Variants in PRIM2 observed in about 807,000 individuals in gnomAD.
PRIM2 encodes DNA primase large subunit.
PRIM2 carries 39 observed loss-of-function variants against 67.3 expected under a neutral mutation model. The observed-to-expected ratio is 0.58, with a 90% confidence interval of 0.45 to 0.76. The LOEUF (loss-of-function observed/expected upper bound fraction) is 0.76, where lower values mean the gene tolerates loss of function less well. Ranked by LOEUF, PRIM2 falls within the 30% of genes least tolerant of loss-of-function variation. The pLI is 0.00. For synonymous variants in PRIM2, 143 were observed against 198.7 expected (o/e 0.72, Z 2.36); for missense variants, 398 against 598.7 (o/e 0.66, Z 3.50).
chr6:57,446,738 A>G (rs1195141807), intron 7 of PRIM2, among the ~76,000 whole-genome samples: 1 of 152,130 alleles, frequency 6.6e-6, no homozygotes, highest in African/African-American at 2.4e-5. Flanking sequence ...AGGATTGGGA[A>G]TGGGACCTAA....
the PRIM2 span, among the ~76,000 whole-genome samples, chr6:57,250,022 C>A: frequency 6.6e-6 from 1 of 152,130 alleles, no homozygotes; most frequent in Non-Finnish European, 1.5e-5. Context: ...GTGCAAGTTC[C>A]ACTGTGGCTT....
intron 8 of PRIM2, among the ~76,000 whole-genome samples, chr6:57,515,769 A>G (rs1554348190): frequency 6.6e-6 from 1 of 152,214 alleles, no homozygotes; most frequent in East Asian, 1.9e-4. Flanking sequence ...ATCTTAACAA[A>G]TGCCACACAT....
At chr6:57,325,326 G>T (rs1440781339) in intron 4 of PRIM2, among the ~76,000 whole-genome samples, 2 of 148,406 alleles carry the variant, frequency 1.3e-5, no homozygotes, top group South Asian at 2.1e-4. Context: ...TTGAGCTAGG[G>T]TCTCATGCCA....
At chr6:57,471,484 T>G (rs1773336574) in intron 7 of PRIM2, among the ~76,000 whole-genome samples, 1 of 146,554 alleles carries the variant, frequency 6.8e-6, no homozygotes, top group East Asian at 2.0e-4. Context: ...AAGTAGAGAG[T>G]AGAGGAGGGT....
chr6:57,635,843 T>C (rs1157367576), intron 13 of PRIM2, among the ~76,000 whole-genome samples: 2 of 152,220 alleles, frequency 1.3e-5, no homozygotes, highest in South Asian at 2.1e-4. Context: ...ATTCCAATTC[T>C]TTCTCCTCCA....
intron 5 of PRIM2, among the ~76,000 whole-genome samples, chr6:57,342,111 T>C (rs1768513213): frequency 6.6e-6 from 1 of 152,212 alleles, no homozygotes; most frequent in Non-Finnish European, 1.5e-5. Context: ...TAATTTCTGG[T>C]GTTCTATTAC....
In PRIM2 at chr6:57,373,650, C is replaced by A. The variant is rs112424838; in HGVS notation, c.460-6251C>A. 5.9e-5 allele frequency among the ~76,000 whole-genome samples: 9 copies of A among 152,228 alleles called. No individual in the cohort carries two copies. In the East Asian group the frequency reaches 7.7e-4, roughly 13 times the overall value. On this transcript the variant is annotated intron_variant, in intron 5 of 13. Transcript: ENST00000615550. Reference sequence around the variant, plus strand: ...ATGGTATAAGGACAGGGTCCAGTTTCGATTTTCTATGTATGGCTAGCCAGT... The same window carrying A: ...ATGGTATAAGGACAGGGTCCAGTTTAGATTTTCTATGTATGGCTAGCCAGT...
chr6:57,482,277 CTG>C (rs1773647762), intron 7 of PRIM2, among the ~76,000 whole-genome samples: 3 of 151,512 alleles, frequency 2.0e-5, no homozygotes, highest in African/African-American at 7.3e-5. Flanking sequence ...AAATCTGAGT[CTG>C]TAGCTTAGAA....
At chr6:57,311,178 G>T (rs1354624920), upstream of PRIM2, among the ~76,000 whole-genome samples, 1 of 144,600 alleles carries the variant, frequency 6.9e-6, no homozygotes, top group African/African-American at 2.6e-5. Flanking sequence ...GGGGCGGCCG[G>T]GCAGAGGCGC....
intron 7 of PRIM2, among the ~76,000 whole-genome samples, chr6:57,452,972 A>C (rs1175188161): frequency 6.6e-6 from 1 of 152,200 alleles, no homozygotes; most frequent in Non-Finnish European, 1.5e-5. Flanking sequence ...ATACAGTGTA[A>C]GGAAGGGATC....
chr6:57,516,306 T>G (rs1774486778), intron 8 of PRIM2, among the ~76,000 whole-genome samples: 1 of 152,162 alleles, frequency 6.6e-6, no homozygotes, highest in Non-Finnish European at 1.5e-5. Context: ...GGGTCACTGA[T>G]TTGGCCTCTT....
intron 7 of PRIM2, among the ~76,000 whole-genome samples, chr6:57,476,774 G>C (rs1337804805): frequency 1.3e-5 from 2 of 152,002 alleles, no homozygotes; most frequent in African/African-American, 2.4e-5. Context: ...TTGAGATGGG[G>C]TTCACTCTTG....
chr6:57,469,306 C>A (rs1430157275), intron 7 of PRIM2, among the ~76,000 whole-genome samples: 1 of 152,212 alleles, frequency 6.6e-6, no homozygotes, highest in East Asian at 1.9e-4. Flanking sequence ...GGGAAAATGT[C>A]ATGCAAGGTG....
At chr6:57,260,640 C>G in the PRIM2 span, among the ~76,000 whole-genome samples, 1 of 152,066 alleles carries the variant, frequency 6.6e-6, no homozygotes, top group African/African-American at 2.4e-5. Context: ...TTACATGAAC[C>G]TGAAAAGATT....
intron 6 of PRIM2, among the ~76,000 whole-genome samples, chr6:57,381,141 C>T (rs527569394): frequency 8.5e-5 from 13 of 152,218 alleles, no homozygotes; most frequent in South Asian, 8.3e-4. Flanking sequence ...TTTGACTTTC[C>T]GTGTGTGCCC....
intron 10 of PRIM2, among the ~76,000 whole-genome samples, chr6:57,539,632 GTGTGTGTGTGTGTGTGTGTGTGTGTA>G (rs1286973776): frequency 1.2e-4 from 8 of 66,838 alleles, no homozygotes; most frequent in African/African-American, 6.2e-4. Flanking sequence ...GTGTGTGTGT[GTGTGTGTGTGTGTGTGTGTGTGTGTA>G]TATATATATA....
chr6:57,517,950 T>A (rs1774520940), intron 8 of PRIM2, among the ~76,000 whole-genome samples: 1 of 152,208 alleles, frequency 6.6e-6, no homozygotes, highest in Non-Finnish European at 1.5e-5. Flanking sequence ...TGGCATAGTC[T>A]TGTGAGTCTA....
chr6:57,311,592 C>T (rs1767393345), upstream of PRIM2, among the ~76,000 whole-genome samples: 1 of 152,140 alleles, frequency 6.6e-6, no homozygotes, highest in African/African-American at 2.4e-5. Context: ...CGATGGGTGG[C>T]CAGGCAGAGA....
chr6:57,563,766 T>C (rs1318756831), intron 10 of PRIM2, among the ~76,000 whole-genome samples: 1 of 152,174 alleles, frequency 6.6e-6, no homozygotes, highest in African/African-American at 2.4e-5. Context: ...CTCCAAGCAA[T>C]TCTCCTGTGT....
Sources: allele counts gnomAD v4.1 joint callset (sites outside exome capture counted in the v4.1 genomes callset), GRCh38; gene constraint gnomAD v4.1.1; transcripts MANE v1.5; gene names NCBI Gene and HGNC (gene_info 2026-07-23, HGNC 2026-07-21).